POLR3A: variants seen among roughly 807,000 people sequenced by gnomAD.
POLR3A encodes the protein DNA-directed RNA polymerase III subunit RPC1.
A neutral mutation model predicts 152.8 loss-of-function variants in POLR3A; 112 were observed. The observed-to-expected ratio is 0.73, with a 90% CI of 0.63 to 0.86. POLR3A has a LOEUF of 0.86. POLR3A is among the 40% of genes least tolerant of loss of function. The pLI is 0.00. For synonymous variants in POLR3A, 615 were observed against 652.1 expected (o/e 0.94, Z 0.87); for missense variants, 1,385 against 1,743.1 (o/e 0.79, Z 3.66).
chr10:77,987,111 T>G (rs1847205456), intron 21 of POLR3A, among the ~76,000 whole-genome samples: 1 of 152,110 alleles, frequency 6.6e-6, no homozygotes, highest in Non-Finnish European at 1.5e-5. Context: ...GCGGTTAACA[T>G]CCTGCTCACA....
chr10:77,982,392 G>T, intron 27 of POLR3A, 74 bp from the exon 28 acceptor site: 1 of 1,403,072 alleles, frequency 7.1e-7, no homozygotes, highest in Non-Finnish European at 1.0e-6. Flanking sequence ...GATCACCCCA[G>T]CTTTCAGCAG....
At chr10:78,018,763 A>T (rs971827759) in intron 9 of POLR3A, among the ~76,000 whole-genome samples, 2 of 152,032 alleles carry the variant, frequency 1.3e-5, no homozygotes, top group Non-Finnish European at 2.9e-5. Flanking sequence ...TTGTATTTTT[A>T]GTAGAAAAGG....
At chr10:78,012,465 A>G (rs1847475766) in intron 11 of POLR3A, among the ~76,000 whole-genome samples, 1 of 152,198 alleles carries the variant, frequency 6.6e-6, no homozygotes, top group Non-Finnish European at 1.5e-5. Context: ...CTAAAAGCCT[A>G]AACCAAAACA....
chr10:78,015,337 T>G (rs1241306735), intron 10 of POLR3A, among the ~76,000 whole-genome samples: 1 of 152,198 alleles, frequency 6.6e-6, no homozygotes, highest in African/African-American at 2.4e-5. Context: ...ATTTTCTTTT[T>G]CTTTTTTTGA....
At chr10:77,994,077 G>A (rs964900515) in intron 19 of POLR3A, among the ~76,000 whole-genome samples, 1 of 152,166 alleles carries the variant, frequency 6.6e-6, no homozygotes, top group African/African-American at 2.4e-5. Flanking sequence ...AAAAAATTAA[G>A]TAAAAACACA....
intron 28 of POLR3A, 116 bp downstream of exon 28, chr10:77,982,038 C>CAAGAAAAAAAAAA (rs1847150025): frequency 5.4e-6 from 1 of 183,734 alleles, no homozygotes; most frequent in African/African-American, 1.0e-4. Flanking sequence ...GACTCCATCT[C>CAAGAAAAAAAAAA]AAAAAAAAAA....
At chr10:78,026,287 T>C (rs1847634119) in intron 1 of POLR3A, 58 bp from the exon 2 acceptor site, 1 of 1,591,200 alleles carries the variant, frequency 6.3e-7, no homozygotes, top group Non-Finnish European at 8.6e-7. Flanking sequence ...AAAATGTCTA[T>C]TACATACATA....
chr10:77,986,275 C>A (rs1847197754), intron 21 of POLR3A, 116 bp from the exon 22 acceptor site: 3 of 750,038 alleles, frequency 4.0e-6, no homozygotes, highest in Non-Finnish European at 7.3e-6. Flanking sequence ...GTGTTAGCTC[C>A]ATATATAGTA....
chr10:77,985,241 A>T lies in POLR3A; in HGVS notation c.3171T>A (p.Gly1057=). The change falls in exon 24 of 31, where the codon GGT becomes GGA. Residue 1057 remains glycine (G), a synonymous_variant. Coordinates refer to ENST00000372371, the MANE Select transcript of POLR3A (RefSeq NM_007055.4). ...CCAGGGTGATGTTCATGGAGGCCAC[A>T]CCTGCAAAGTGGAAAGTCTTCAGGG... ...QMTLKTFHFA[G]VASMNITLGV... The T allele has an allele frequency of 1.2e-6, 2 of 1,614,176 alleles. No individual in the cohort carries two copies. Among genetic ancestry groups the T allele is most frequent in the Non-Finnish European group, 1.7e-6 (2 of 1,179,972 alleles).
At chr10:78,020,681 G>A (rs772500667) in intron 8 of POLR3A, among the ~76,000 whole-genome samples, 5 of 151,950 alleles carry the variant, frequency 3.3e-5, no homozygotes, top group African/African-American at 4.8e-5. Flanking sequence ...CCAGCTACTC[G>A]GGAGGCTGAG....
At chr10:77,986,878 G>A (rs75925191) in intron 21 of POLR3A, among the ~76,000 whole-genome samples, 1 of 152,222 alleles carries the variant, frequency 6.6e-6, no homozygotes, top group Non-Finnish European at 1.5e-5. Context: ...ACCAAGTAGA[G>A]CAAGAAGAAG....
chr10:78,029,474 ACC>A lies in POLR3A; in HGVS notation c.-69_-68del. 2 of 1,528,978 alleles carry A rather than the reference ACC, an allele frequency of 1.3e-6. No homozygotes were observed. Among genetic ancestry groups the A allele is most frequent in the South Asian group, 2.2e-5 (2 of 89,214 alleles). The allele number at this position is 1,528,978 out of a possible 1,614,324, so 94.7% of individuals were successfully genotyped here. A position where few individuals can be genotyped will look rare whatever the true frequency, so the allele number is the denominator to read the frequency against. On this transcript the variant is annotated 5_prime_UTR_variant, in exon 1 of 31. In the 5' UTR this introduces an upstream ATG that the reference lacks. Coordinates refer to ENST00000372371, the MANE Select transcript of POLR3A (RefSeq NM_007055.4). ...AGATTAGAGAAACGATGCCCCCAGC[ACC>A]TCCTGGGGCTGCTTCTGGACTCGCC...
chr10:77,982,737 C>T lies in POLR3A; in HGVS notation c.3510G>A (p.Glu1170=). Residue 1170 remains glutamate (E), a synonymous_variant, in exon 27 of 31, where the codon GAG becomes GAA. Transcript: ENST00000372371. ...VKPGDVAVHG[E]AVVCVTPREN... The stretch of plus-strand genomic sequence containing the variant: ...CTCTGGGGGTGACACACACCACAGC[C>T]TCACCATGAACAGCCACATCACCGG... 1 of 1,613,750 alleles carries T rather than the reference C, an allele frequency of 6.2e-7. No individual in the cohort carries two copies. The highest frequency in any genetic ancestry group is 8.5e-7 in the Non-Finnish European group (1 of 1,179,728).
chr10:78,004,514 A>G (rs903034060), intron 16 of POLR3A, among the ~76,000 whole-genome samples: 1 of 152,164 alleles, frequency 6.6e-6, no homozygotes, highest in Non-Finnish European at 1.5e-5. Flanking sequence ...ACAAACAAGG[A>G]CACACACAGT....
chr10:77,999,177 G>A (rs1847331224), intron 19 of POLR3A, among the ~76,000 whole-genome samples: 1 of 152,148 alleles, frequency 6.6e-6, no homozygotes, highest in Non-Finnish European at 1.5e-5. Context: ...GGGAGGGATA[G>A]CATTAGGAGA....
intron 3 of POLR3A, 123 bp downstream of exon 3, chr10:78,025,499 T>C (rs1253258333): frequency 2.3e-6 from 2 of 887,792 alleles, no homozygotes; most frequent in Non-Finnish European, 3.7e-6. Context: ...AAATATTATG[T>C]ACTTAGTATA....
intron 30 of POLR3A, 152 bp downstream of exon 30, chr10:77,979,989 A>C (rs1217574802): frequency 1.3e-6 from 1 of 758,010 alleles, no homozygotes; most frequent in Non-Finnish European, 2.3e-6. Flanking sequence ...GAGATAAAAG[A>C]TCCAGCAGTT....
chr10:77,991,269 G>A, intron 20 of POLR3A, 102 bp from the exon 21 acceptor site: 1 of 735,772 alleles, frequency 1.4e-6, no homozygotes, highest in Non-Finnish European at 2.5e-6. Flanking sequence ...TACCCAAGGT[G>A]AGCTTTTAGC....
Position 78,009,900 on chromosome 10 carries a change from T to A in POLR3A, c.1734A>T (p.Lys578Asn), listed in dbSNP as rs376753355. ...TAGGCGGTGGGAGGCGAACTTTAAT[T>A]TTCTCATCCTTGCCAACCAGTATTG... ...IASILVGKDEKIKVRLPPPTI... is the reference protein window; with the variant it reads ...IASILVGKDENIKVRLPPPTI... The change falls in exon 13 of 31, where the codon AAA becomes AAT. Residue 578 changes from lysine (K) to asparagine (N), a missense_variant. By Grantham distance (94) the Lys-to-Asn change is moderately conservative. Coordinates refer to ENST00000372371, the MANE Select transcript of POLR3A (RefSeq NM_007055.4). The A allele has an allele frequency of 5.3e-5, 85 of 1,613,966 alleles. No individual in the cohort carries two copies. The highest frequency in any genetic ancestry group is 5.1e-4 in the South Asian group (46 of 91,070).
Sources: allele counts gnomAD v4.1 joint callset (sites outside exome capture counted in the v4.1 genomes callset), GRCh38; gene constraint gnomAD v4.1.1; transcripts MANE v1.5; gene names NCBI Gene and HGNC (gene_info 2026-07-23, HGNC 2026-07-21).